The following SORCS3 variants were observed in gnomAD, a reference collection of about 807,000 sequenced individuals.
SORCS3 encodes the protein sortilin related VPS10 domain containing receptor 3, also known as VPS10 domain-containing receptor SorCS3.
In SORCS3, 57 loss-of-function variants were observed where a neutral mutation model predicts 146.3. The observed-to-expected ratio is 0.39, with a 90% CI of 0.31 to 0.49. The LOEUF is 0.49. Ranked by LOEUF, SORCS3 falls within the 20% of genes least tolerant of loss-of-function variation. The probability of loss-of-function intolerance (pLI) is 0.92; values close to 1 mark genes in which losing one functional copy is unlikely to be tolerated. For synonymous variants in SORCS3, 653 were observed against 618.5 expected, an observed-to-expected ratio of 1.06 and a Z score of -0.83; for missense variants, 1,341 against 1,575.5, an observed-to-expected ratio of 0.85 and a Z score of 2.52.
At chr10:105,095,542 G>T (rs1364246359) in intron 6 of SORCS3, among the ~76,000 whole-genome samples, 1 of 152,140 alleles carries the variant, frequency 6.6e-6, no homozygotes, top group African/African-American at 2.4e-5. Context: ...AGATAGGTGG[G>T]CCTGGGGAGG....
At chr10:104,817,790 G>T (rs937234676) in intron 1 of SORCS3, among the ~76,000 whole-genome samples, 17 of 149,232 alleles carry the variant, frequency 1.1e-4, no homozygotes, top group Non-Finnish European at 2.2e-4. Context: ...CAGTCAGGGG[G>T]GATCAGTGTT....
intron 2 of SORCS3, among the ~76,000 whole-genome samples, chr10:104,885,531 A>T (rs2018673836): frequency 1.3e-5 from 2 of 152,320 alleles, no homozygotes; most frequent in South Asian, 4.1e-4. Context: ...GGACCGGAAC[A>T]GTGTTAATGG....
rs565349196 is a variant in SORCS3 at position 105,055,386 on chromosome 10, C to A, written c.1028+12258C>A. Among the ~76,000 whole-genome samples, 4 of 152,212 alleles carry A rather than the reference C, an allele frequency of 2.6e-5. No individual in the cohort carries two copies. In the South Asian group the frequency reaches 8.3e-4, roughly 32 times the overall value. On this transcript the variant is annotated intron_variant, in intron 5 of 26. Transcript: ENST00000369701. ...AGTGTGATGTGAGTAAGGATAAACA[C>A]CTGCGGGGATATTTGGGATCTAAAT...
intron 1 of SORCS3, among the ~76,000 whole-genome samples, chr10:104,832,750 T>TAAATAAAC (rs58541807): frequency 0.13 from 19,011 of 151,810 alleles, 1,396 homozygotes; most frequent in South Asian, 0.26. Flanking sequence ...AATAAATAAA[T>TAAATAAAC]GAACGAACGA....
chr10:104,776,001 A>G (rs2017303472), intron 1 of SORCS3, among the ~76,000 whole-genome samples: 1 of 152,202 alleles, frequency 6.6e-6, no homozygotes, highest in Admixed American at 6.5e-5. Context: ...GTTGAGCACT[A>G]AGGGTCTAGA....
chr10:105,132,153 C>T (rs2056023916), intron 7 of SORCS3, among the ~76,000 whole-genome samples: 1 of 152,070 alleles, frequency 6.6e-6, no homozygotes, highest in African/African-American at 2.4e-5. Flanking sequence ...TGTTGTGTAT[C>T]TTTGAGTATG....
At chr10:104,740,426 G>T (rs922328537) in intron 1 of SORCS3, among the ~76,000 whole-genome samples, 1 of 152,192 alleles carries the variant, frequency 6.6e-6, no homozygotes, top group African/African-American at 2.4e-5. Context: ...CTCCTTCTGT[G>T]TACTGTTTCG....
At position 105,047,287 on chromosome 10, in the gene SORCS3, G is replaced by A. The variant is rs76644638; in HGVS notation, c.1028+4159G>A. Among the ~76,000 whole-genome samples, 1,953 of 152,160 alleles carry A rather than the reference G, an allele frequency of 0.013. 79 individuals carry two copies. The East Asian group carries it at 0.15, about 11-fold the overall frequency. ...TGTGCTAGGCCTTCCAGAATTCTCT[G>A]TGTAACTAGAATGACCTCAAAGTGC... On this transcript the variant is annotated intron_variant, in intron 5 of 26. Coordinates refer to ENST00000369701, the MANE Select transcript of SORCS3 (RefSeq NM_014978.3).
chr10:104,650,497 T>C (rs887459132), intron 1 of SORCS3, among the ~76,000 whole-genome samples: 1 of 152,092 alleles, frequency 6.6e-6, no homozygotes, highest in Non-Finnish European at 1.5e-5. Context: ...AAAAGGGGAA[T>C]AGATACAAAC....
chr10:105,218,137 C>T (rs1453092605), intron 19 of SORCS3, among the ~76,000 whole-genome samples: 1 of 152,158 alleles, frequency 6.6e-6, no homozygotes, highest in East Asian at 1.9e-4. Context: ...GCTCTCCAGT[C>T]ACAATGCCGG....
chr10:105,259,868 A>T (rs115337696), intron 25 of SORCS3, among the ~76,000 whole-genome samples: 1,688 of 152,192 alleles, frequency 0.011, 35 homozygotes, highest in African/African-American at 0.039. Flanking sequence ...TTAGAGGGAG[A>T]CTTGAGCCTA....
chr10:105,002,856 A>G (rs1262758055), intron 4 of SORCS3, among the ~76,000 whole-genome samples: 1 of 152,200 alleles, frequency 6.6e-6, no homozygotes, highest in African/African-American at 2.4e-5. Context: ...CCTACAAAAT[A>G]GGGAGCACAA....
chr10:105,122,467 C>T (rs1049305943), intron 7 of SORCS3, among the ~76,000 whole-genome samples: 6 of 152,140 alleles, frequency 3.9e-5, no homozygotes, highest in African/African-American at 1.4e-4. Context: ...CTACTATGTA[C>T]CCAGTACTGT....
chr10:104,966,129 C>T (rs552265988), intron 3 of SORCS3, among the ~76,000 whole-genome samples: 6 of 151,890 alleles, frequency 4.0e-5, no homozygotes, highest in Non-Finnish European at 5.9e-5. Context: ...CAGCATCCCT[C>T]GCCTCTGCCC....
Position 104,974,762 on chromosome 10 carries a change from T to C in SORCS3, c.796-2573T>C, listed in dbSNP as rs544108346. On this transcript the variant is annotated intron_variant, in intron 3 of 26. Coordinates refer to ENST00000369701, the MANE Select transcript of SORCS3 (RefSeq NM_014978.3). ...TATGATGTTAGCTGGCTATTTTGCT[T>C]GTTAGTTGATGCAGTTTCTTCCTAG... Among the ~76,000 whole-genome samples the C allele has an allele frequency of 2.2e-3, 340 of 152,214 alleles. 1 individual carries two copies. Among genetic ancestry groups the C allele is most frequent in the African/African-American group, 7.8e-3 (322 of 41,544 alleles).
chr10:104,674,069 A>G (rs559084795), intron 1 of SORCS3, among the ~76,000 whole-genome samples: 1 of 152,356 alleles, frequency 6.6e-6, no homozygotes, highest in African/African-American at 2.4e-5. Context: ...CCCAAACAAG[A>G]TCAAGACATA....
At chr10:104,704,963 C>T (rs568308091) in intron 1 of SORCS3, among the ~76,000 whole-genome samples, 1 of 152,266 alleles carries the variant, frequency 6.6e-6, no homozygotes, top group South Asian at 2.1e-4. Flanking sequence ...CTCTCCTCCT[C>T]CACCACAAGT....
chr10:104,830,874 C>G (rs1042847193), intron 1 of SORCS3, among the ~76,000 whole-genome samples: 2 of 152,076 alleles, frequency 1.3e-5, no homozygotes, highest in African/African-American at 4.8e-5. Context: ...TGCAGTGGTG[C>G]GAATGCAGCT....
At chr10:105,249,208 A>G (rs2056884661) in intron 22 of SORCS3, among the ~76,000 whole-genome samples, 1 of 152,220 alleles carries the variant, frequency 6.6e-6, no homozygotes, top group South Asian at 2.1e-4. Flanking sequence ...ATGTAGGAGA[A>G]ACACGCTTGG....
Sources: gnomAD v4.1 joint callset for allele counts (sites outside exome capture counted in the v4.1 genomes callset) on GRCh38, gnomAD v4.1.1 for gene constraint, MANE v1.5 for transcripts, NCBI Gene and HGNC (gene_info 2026-07-23, HGNC 2026-07-21) for gene names.